The following ULK4 variants were observed in gnomAD, a reference collection of about 807,000 sequenced individuals.
ULK4 encodes the protein inactive serine/threonine-protein kinase ULK4.
Under a neutral mutation model 160.6 loss-of-function variants are expected in ULK4, and 133 were observed. That is an observed-to-expected ratio of 0.83 (90% CI 0.72 to 0.96). The LOEUF (loss-of-function observed/expected upper bound fraction) is 0.96, where lower values mean the gene tolerates loss of function less well. Ranked by LOEUF, ULK4 falls within the 40% of genes least tolerant of loss-of-function variation. The pLI, the probability that ULK4 is intolerant of heterozygous loss-of-function variation, is 0.00. For missense variants in ULK4, 1,580 were observed against 1,499.5 expected (o/e 1.05, Z -0.89); for synonymous variants, 534 against 539.8 (o/e 0.99, Z 0.15).
At chr3:41,743,828 G>C (rs1488572899) in intron 22 of ULK4, among the ~76,000 whole-genome samples, 4 of 151,760 alleles carry the variant, frequency 2.6e-5, no homozygotes, top group African/African-American at 9.7e-5. Context: ...ACCATGCACG[G>C]CTAATCTTTG....
At chr3:41,746,945 C>T (rs186524282) in intron 22 of ULK4, among the ~76,000 whole-genome samples, 5 of 152,046 alleles carry the variant, frequency 3.3e-5, no homozygotes, top group Admixed American at 2.0e-4. Flanking sequence ...TAAATATCCA[C>T]AGGCAAAAAC....
intron 32 of ULK4, among the ~76,000 whole-genome samples, chr3:41,547,939 C>T (rs1401473166): frequency 6.6e-6 from 1 of 152,170 alleles, no homozygotes; most frequent in Admixed American, 6.5e-5. Flanking sequence ...TGAGAGTGGC[C>T]TGCCTGCTGC....
At chr3:41,301,388 C>T (rs1285269678) in intron 35 of ULK4, among the ~76,000 whole-genome samples, 4 of 152,084 alleles carry the variant, frequency 2.6e-5, no homozygotes, top group Non-Finnish European at 5.9e-5. Flanking sequence ...CTTCCCAGGA[C>T]CCAAGATACC....
chr3:41,511,750 CATAGA>C (rs1346072967), intron 32 of ULK4, among the ~76,000 whole-genome samples: 19 of 152,074 alleles, frequency 1.2e-4, no homozygotes, highest in Admixed American at 1.2e-3. Context: ...GACACTATTC[CATAGA>C]ATAAAGAGGA....
chr3:41,433,982 A>G (rs917487029), intron 34 of ULK4, among the ~76,000 whole-genome samples: 1 of 152,104 alleles, frequency 6.6e-6, no homozygotes, highest in Non-Finnish European at 1.5e-5. Context: ...TTGGCCTCCC[A>G]AAGTGCTGGG....
intron 27 of ULK4, among the ~76,000 whole-genome samples, chr3:41,696,438 G>A (rs528047009): frequency 2.0e-4 from 31 of 152,302 alleles, no homozygotes; most frequent in African/African-American, 6.7e-4. Flanking sequence ...CGTGACCCAC[G>A]TGACCTTACC....
At chr3:41,535,907 C>G (rs1029149828) in intron 32 of ULK4, among the ~76,000 whole-genome samples, 2 of 152,126 alleles carry the variant, frequency 1.3e-5, no homozygotes, top group African/African-American at 4.8e-5. Flanking sequence ...CCTTGCCCCA[C>G]CAGATTCACA....
intron 22 of ULK4, among the ~76,000 whole-genome samples, chr3:41,721,249 C>A (rs752784796): frequency 0.21 from 11,200 of 52,830 alleles, 1,509 homozygotes; most frequent in Middle Eastern, 0.45. Flanking sequence ...AAATTTTTCG[C>A]TTTGAATTTT....
At chr3:41,664,734 T>C (rs916361224) in intron 29 of ULK4, among the ~76,000 whole-genome samples, 2 of 152,192 alleles carry the variant, frequency 1.3e-5, no homozygotes, top group African/African-American at 4.8e-5. Context: ...TACAAAATTT[T>C]TGTAAACAAA....
chr3:41,605,845 T>C (rs964572188), intron 31 of ULK4, among the ~76,000 whole-genome samples: 3 of 152,018 alleles, frequency 2.0e-5, no homozygotes, highest in African/African-American at 4.8e-5. Context: ...AAATAGACCA[T>C]ATACTCAACC....
Position 41,819,526 on chromosome 3 carries a change from A to C in ULK4, c.1765-20T>G, listed in dbSNP as rs771669382. ...TTCTTCCTAAAATGAAGTGGGAAAAAAAAAGGCAGTGAAGCTAACAGCACG... is the reference window on the plus strand; with the variant it reads ...TTCTTCCTAAAATGAAGTGGGAAAACAAAAGGCAGTGAAGCTAACAGCACG... On this transcript the variant is annotated intron_variant, in intron 18 of 36. Coordinates refer to ENST00000301831, the MANE Select transcript of ULK4 (RefSeq NM_017886.4). 9 of 1,608,116 alleles carry C rather than the reference A, an allele frequency of 5.6e-6. No homozygotes were observed. In the East Asian group the frequency reaches 1.8e-4, roughly 32 times the overall value.
intron 35 of ULK4, among the ~76,000 whole-genome samples, chr3:41,301,839 G>A (rs2079806543): frequency 6.6e-6 from 1 of 152,124 alleles, no homozygotes; most frequent in Non-Finnish European, 1.5e-5. Context: ...GTTATTTGAT[G>A]TTTACTATCT....
At chr3:41,279,752 CAAAT>C (rs896787893) in intron 35 of ULK4, among the ~76,000 whole-genome samples, 1 of 152,164 alleles carries the variant, frequency 6.6e-6, no homozygotes, top group Non-Finnish European at 1.5e-5. Flanking sequence ...TACAAACAAA[CAAAT>C]GCTGAGAGAT....
intron 2 of ULK4, among the ~76,000 whole-genome samples, chr3:41,942,396 G>C (rs1699986883): frequency 6.6e-6 from 1 of 152,066 alleles, no homozygotes; most frequent in Non-Finnish European, 1.5e-5. Flanking sequence ...GTGCATGCCT[G>C]AAATTCCAGG....
intron 31 of ULK4, among the ~76,000 whole-genome samples, chr3:41,594,181 C>G (rs1034087953): frequency 9.2e-5 from 14 of 152,136 alleles, no homozygotes; most frequent in African/African-American, 3.4e-4. Flanking sequence ...ATTTTAAATT[C>G]ATGCAAACCA....
chr3:41,928,389 G>A (rs568710597), intron 5 of ULK4, among the ~76,000 whole-genome samples: 82 of 152,110 alleles, frequency 5.4e-4, no homozygotes, highest in Admixed American at 2.1e-3. Flanking sequence ...ATGCCCACAA[G>A]AGAAAGTAGG....
chr3:41,817,171 A>G (rs539416294), intron 19 of ULK4, among the ~76,000 whole-genome samples: 1 of 152,210 alleles, frequency 6.6e-6, no homozygotes, highest in Non-Finnish European at 1.5e-5. Flanking sequence ...CACAATCAGC[A>G]TGTAAACTAA....
In ULK4 at chr3:41,579,788, G is replaced by A. The variant is rs572477360; in HGVS notation, c.3121-13658C>T. Among the ~76,000 whole-genome samples the A allele has an allele frequency of 4.6e-5, 7 of 152,214 alleles. No individual in the cohort carries two copies. The East Asian group carries it at 5.8e-4, about 13-fold the overall frequency. ...ATTACAGGCGTGAGCCACCGCGCCC[G>A]GCCTGGAACTAATATTTTTTGCTAA... On this transcript the variant is annotated intron_variant, in intron 31 of 36. Coordinates refer to ENST00000301831, the MANE Select transcript of ULK4 (RefSeq NM_017886.4).
chr3:41,865,271 TA>T (rs55741060), intron 17 of ULK4, among the ~76,000 whole-genome samples: 1,130 of 29,808 alleles, frequency 0.038, 5 homozygotes, highest in Non-Finnish European at 0.047. Context: ...ACTCTGTCTT[TA>T]AAAAAAAAAA....
Sources: gnomAD v4.1 joint callset for allele counts (sites outside exome capture counted in the v4.1 genomes callset) on GRCh38, gnomAD v4.1.1 for gene constraint, MANE v1.5 for transcripts, NCBI Gene and HGNC (gene_info 2026-07-23, HGNC 2026-07-21) for gene names.